The following LAMA3 variants were observed in gnomAD, a reference collection of about 807,000 sequenced individuals.
LAMA3 encodes laminin subunit alpha-3.
LAMA3 carries 281 observed loss-of-function variants against 402.0 expected under a neutral mutation model. That is an observed-to-expected ratio of 0.70 (90% CI 0.63 to 0.77). The LOEUF (loss-of-function observed/expected upper bound fraction) is 0.77. Ranked by LOEUF, LAMA3 falls within the 30% of genes least tolerant of loss-of-function variation. The probability of loss-of-function intolerance (pLI) is 0.00; values close to 1 mark genes in which losing one functional copy is unlikely to be tolerated. For missense variants in LAMA3, 3,840 were observed against 4,215.5 expected (o/e 0.91, Z 2.47); for synonymous variants, 1,431 against 1,558.4 (o/e 0.92, Z 1.93).
chr18:23,716,893 C>T (rs1172683823), intron 2 of LAMA3, among the ~76,000 whole-genome samples: 1 of 152,190 alleles, frequency 6.6e-6, no homozygotes, highest in Non-Finnish European at 1.5e-5. Flanking sequence ...TTGTGCATCC[C>T]TCATAAGATT....
chr18:23,807,411 A>G (rs751453229), intron 12 of LAMA3, among the ~76,000 whole-genome samples: 24 of 152,130 alleles, frequency 1.6e-4, no homozygotes, highest in Non-Finnish European at 2.9e-4. Flanking sequence ...AGGTACGTAG[A>G]TAGAGCTTAT....
At chr18:23,863,125 A>G (rs1261950787) in intron 35 of LAMA3, among the ~76,000 whole-genome samples, 1 of 152,178 alleles carries the variant, frequency 6.6e-6, no homozygotes, top group Non-Finnish European at 1.5e-5. Flanking sequence ...TCTATTCATT[A>G]GCAGCAAGTC....
At chr18:23,867,563 A>C (rs1449223092) in intron 36 of LAMA3, among the ~76,000 whole-genome samples, 1 of 151,822 alleles carries the variant, frequency 6.6e-6, no homozygotes, top group Non-Finnish European at 1.5e-5. Context: ...AAAAAAAAAA[A>C]AAAAAGAAAA....
At chr18:23,911,764 A>G (rs2081432150) in intron 55 of LAMA3, among the ~76,000 whole-genome samples, 1 of 147,606 alleles carries the variant, frequency 6.8e-6, no homozygotes, top group Non-Finnish European at 1.5e-5. Flanking sequence ...ATATTTTAAT[A>G]TATAAGTATA....
At chr18:23,936,358 A>G (rs1343506594) in intron 67 of LAMA3, among the ~76,000 whole-genome samples, 5 of 151,022 alleles carry the variant, frequency 3.3e-5, no homozygotes, top group Non-Finnish European at 7.4e-5. Context: ...CATTTACATT[A>G]GGTATATCTC....
chr18:23,911,736 T>C (rs909891995), intron 55 of LAMA3, among the ~76,000 whole-genome samples: 1 of 149,438 alleles, frequency 6.7e-6, no homozygotes, highest in African/African-American at 2.4e-5. Context: ...AAGCAGTTCC[T>C]TTAAAAGTGC....
At chr18:23,777,748 G>C in intron 11 of LAMA3, 129 bp downstream of exon 11, 1 of 758,848 alleles carries the variant, frequency 1.3e-6, no homozygotes. Context: ...TGCCTTGCAG[G>C]TGTCTCCTAG....
rs757415900 is a variant in LAMA3, at chr18:23,827,426, A to T, written c.2782A>T (p.Thr928Ser). ...AAGACCCGTGGCAGTGAGGCAGCCC[A>T]CACCTGCACACCCTGTCATGGTGGA... ...EPRPVAVRQPTPAHPVMVDLS... is the reference protein window; with the variant it reads ...EPRPVAVRQPSPAHPVMVDLS... Residue 928 changes from threonine to serine, a missense_variant, in exon 23 of 75, where the codon ACA becomes TCA. Physicochemically the swap from Thr to Ser is moderately conservative, Grantham distance 58. Around this residue, in one of 3 missense-constraint regions of LAMA3, gnomAD observed 2,109 missense variants for 2,376.0 expected, o/e 0.89. Transcript: ENST00000313654. The T allele has an allele frequency of 3.1e-6, 5 of 1,614,146 alleles. No individual in the cohort carries two copies. The South Asian group carries it at 5.5e-5, about 18-fold the overall frequency.
At chr18:23,899,193 T>A (rs2080981636) in intron 46 of LAMA3, 95 bp from the exon 47 acceptor site, 7 of 1,317,026 alleles carry the variant, frequency 5.3e-6, no homozygotes, top group Non-Finnish European at 7.5e-6. Flanking sequence ...AAAACTAATA[T>A]AAAATCTCCA....
At chr18:23,828,815 T>C (rs8099617) in intron 23 of LAMA3, among the ~76,000 whole-genome samples, 98,430 of 152,072 alleles carry the variant, frequency 0.65, 32,276 homozygotes, top group Middle Eastern at 0.79. Flanking sequence ...TTCAGTTTAA[T>C]TTATACTTTT....
At chr18:23,838,660 G>A (rs1228375770) in intron 25 of LAMA3, 121 bp from the exon 26 acceptor site, 10 of 705,618 alleles carry the variant, frequency 1.4e-5, no homozygotes, top group South Asian at 3.0e-5. Flanking sequence ...TTAAAATAAC[G>A]ATTAGAATTA....
intron 2 of LAMA3, among the ~76,000 whole-genome samples, chr18:23,716,448 C>T (rs1189612852): frequency 3.3e-5 from 5 of 152,176 alleles, no homozygotes; most frequent in South Asian, 2.1e-4. Flanking sequence ...CGTAAGCCAC[C>T]GTGACTGGCC....
chr18:23,847,733 C>G, intron 32 of LAMA3, 65 bp downstream of exon 32: 1 of 1,494,850 alleles, frequency 6.7e-7, no homozygotes, highest in Non-Finnish European at 9.1e-7. Context: ...TGCCCACACA[C>G]TGGTCATCGT....
At chr18:23,855,001 AAAT>A (rs929815381) in intron 32 of LAMA3, among the ~76,000 whole-genome samples, 13 of 48,202 alleles carry the variant, frequency 2.7e-4, no homozygotes, top group Non-Finnish European at 8.9e-4. Flanking sequence ...AATAAATAAA[AAAT>A]AAAAAAATTT....
At chr18:23,799,994 T>C (rs988590662) in intron 12 of LAMA3, among the ~76,000 whole-genome samples, 3 of 152,326 alleles carry the variant, frequency 2.0e-5, no homozygotes, top group South Asian at 4.1e-4. Context: ...TTATTCAAAG[T>C]CTACTGATTT....
chr18:23,705,694 T>A (rs2060876528), intron 1 of LAMA3, among the ~76,000 whole-genome samples: 2 of 152,036 alleles, frequency 1.3e-5, no homozygotes, highest in South Asian at 4.1e-4. Context: ...ATTTTTGTAT[T>A]TTTTGTAGAG....
intron 21 of LAMA3, among the ~76,000 whole-genome samples, chr18:23,826,365 A>G (rs2063382206): frequency 6.6e-6 from 1 of 152,266 alleles, no homozygotes; most frequent in African/African-American, 2.4e-5. Context: ...GAAGGCAACC[A>G]GCATTTCCAC....
At chr18:23,690,872 ATTATTTAT>A (rs10665618) in intron 1 of LAMA3, among the ~76,000 whole-genome samples, 54,038 of 136,762 alleles carry the variant, frequency 0.4, 12,071 homozygotes, top group Non-Finnish European at 0.51. Flanking sequence ...AGGCCTGGCA[ATTATTTAT>A]TTATTTATTT....
rs2081476431 is a variant in LAMA3 at position 23,912,747 on chromosome 18, G to T, written c.7195G>T (p.Val2399Phe). 1 of 1,614,138 alleles carries T rather than the reference G, an allele frequency of 6.2e-7. No homozygotes were observed. Among genetic ancestry groups the T allele is most frequent in the Non-Finnish European group, 8.5e-7 (1 of 1,179,978 alleles). ...VPMRFNGKSG[V>F]EVRLPNDLED... is the part of the protein sequence containing the mutation. Reference sequence around the variant, plus strand: ...CATGAGGTTCAATGGTAAATCTGGAGTCGAAGTCCGACTGCCAAATGACCT... The same window carrying T: ...CATGAGGTTCAATGGTAAATCTGGATTCGAAGTCCGACTGCCAAATGACCT... The change falls in exon 56 of 75, where the codon GTC (valine) becomes TTC (phenylalanine). Residue 2399 changes from valine to phenylalanine, a missense_variant. Around this residue, in one of 3 missense-constraint regions of LAMA3, gnomAD observed 891 missense variants for 857.5 expected, o/e 1.04. Coordinates refer to ENST00000313654, the MANE Select transcript of LAMA3 (RefSeq NM_198129.4).
Sources: allele counts gnomAD v4.1 joint callset (sites outside exome capture counted in the v4.1 genomes callset), GRCh38; gene constraint gnomAD v4.1.1; regional missense constraint gnomAD v4.1.1; transcripts MANE v1.5; gene names NCBI Gene and HGNC (gene_info 2026-07-23, HGNC 2026-07-21).